The following SERPINA7 variants were observed in gnomAD, a reference collection of about 807,000 sequenced individuals.
SERPINA7 encodes the protein serpin family A member 7, also known as thyroxine-binding globulin.
Under a neutral mutation model 16.0 loss-of-function variants are expected in SERPINA7, and 14 were observed. The observed-to-expected ratio is 0.88, with a 90% CI of 0.58 to 1.37. SERPINA7 has a LOEUF of 1.37. Ranked by LOEUF, SERPINA7 falls within the 40% of genes most tolerant of loss-of-function variation. SERPINA7 has a pLI of 0.00. For missense variants in SERPINA7, 335 were observed against 296.6 expected, an observed-to-expected ratio of 1.13 and a Z score of -0.95; for synonymous variants, 140 against 111.0, an observed-to-expected ratio of 1.26 and a Z score of -1.65.
In SERPINA7 at chrX:106,033,545, C is replaced by A. The variant is rs1197067490; in HGVS notation, c.1203G>T (p.Arg401Ser). 1.7e-6 allele frequency: 2 copies of A among 1,210,979 alleles called. No individual in the cohort carries two copies. Among genetic ancestry groups the A allele is most frequent in the Admixed American group, 4.3e-5 (2 of 46,012 alleles). Residue 401 changes from arginine to serine, a missense_variant, in exon 5 of 5, where the codon AGG becomes AGT. Physicochemically the swap from Arg to Ser is moderately radical, Grantham distance 110. Coordinates refer to ENST00000372563, the MANE Select transcript of SERPINA7 (RefSeq NM_000354.6). ...CAACTTTCCCTAGAAAGAGAATACT[C>A]CTTGTGCTTCTCTCCAAAATCAACA... ...FMLLILERSTRSILFLGKVVN... is the reference protein window; with the variant it reads ...FMLLILERSTSSILFLGKVVN...
intron 1 of SERPINA7, among the ~76,000 whole-genome samples, chrX:106,037,662 T>C (rs1466608553): frequency 9.0e-6 from 1 of 111,229 alleles, no homozygotes; most frequent in Non-Finnish European, 1.9e-5. Flanking sequence ...TTCATGCATT[T>C]TGCAATGCAT....
chrX:106,037,618 T>A (rs1292968013), intron 1 of SERPINA7, among the ~76,000 whole-genome samples: 1 of 111,284 alleles, frequency 9.0e-6, no homozygotes, highest in East Asian at 2.8e-4. Context: ...TGGGTGGTGG[T>A]TTATGGAGCC....
chrX:106,038,465 T>C (rs919594950), intron 1 of SERPINA7, among the ~76,000 whole-genome samples: 1 of 111,259 alleles, frequency 9.0e-6, no homozygotes, highest in Non-Finnish European at 1.9e-5. Context: ...ATATCCTCCA[T>C]ACCAACCCCC....
rs1174860647 is a variant in SERPINA7 at position 106,036,851 on chromosome X, G to A, written c.208C>T (p.Pro70Ser). The A allele has an allele frequency of 8.3e-7, 1 of 1,209,051 alleles. No homozygotes were observed. The highest frequency in any genetic ancestry group is 1.1e-6 in the Non-Finnish European group (1 of 894,838). ...ACCAAAGCTGCAGAAATGCTCACAG[G>A]GGAAAAGAAGATGTTCTTATCTGGG... ...ETPDKNIFFS[P>S]VSISAALVML... The change falls in exon 2 of 5, where the codon CCT becomes TCT. Residue 70 changes from proline (P) to serine (S), a missense_variant. Coordinates refer to ENST00000372563, the MANE Select transcript of SERPINA7 (RefSeq NM_000354.6).
Position 106,035,255 on chromosome X carries a change from T to C in SERPINA7, c.753A>G (p.Glu251=), listed in dbSNP as rs773691709. 9.1e-6 allele frequency: 11 copies of C among 1,209,900 alleles called. No individual in the cohort carries two copies. ...CCATTTGCAGAACTGTGCAGTTCAA[T>C]TCCATATCCACTAGGTGATAGTATT... is the stretch of plus-strand genomic sequence containing the variant. ...MEQYYHLVDM[E]LNCTVLQMDY... The change falls in exon 3 of 5, where the codon GAA becomes GAG. Residue 251 remains glutamate (E), a synonymous_variant. Transcript: ENST00000372563.
intron 4 of SERPINA7, 55 bp downstream of exon 4, chrX:106,034,180 A>G (rs991627010): frequency 1.8e-6 from 2 of 1,137,105 alleles, no homozygotes; most frequent in African/African-American, 3.6e-5. Context: ...GAATCAATTG[A>G]CTCCTAATTG....
At position 106,033,267 on chromosome X, in the gene SERPINA7, CA is replaced by C; in HGVS notation, c.*232del. On this transcript the variant is annotated 3_prime_UTR_variant, in exon 5 of 5. Transcript: ENST00000372563. The stretch of plus-strand genomic sequence containing the variant: ...GGGTATTCTGACAAAGAGAAATATA[CA>C]AACATAGAGCCTTCCTATGCTTTGG... 2.4e-6 allele frequency: 1 copy of C among 414,578 alleles called. No individual in the cohort carries two copies. 34.2% of individuals were successfully genotyped at this position (414,578 alleles called of 1,213,427 possible).
rs1156257254 is a variant in SERPINA7, at chrX:106,034,290, G to A, written c.989C>T (p.Ser330Phe). Residue 330 changes from serine to phenylalanine, a missense_variant, in exon 4 of 5, where the codon TCT becomes TTT. Ser to Phe is a radical substitution (Grantham distance 155, BLOSUM62 -2). Coordinates refer to ENST00000372563, the MANE Select transcript of SERPINA7 (RefSeq NM_000354.6). The stretch of plus-strand genomic sequence containing the variant: ...GAGTCCAGAAAAATCAGCATTTTCA[G>A]AATAGGCATGCTGAATGCCCATCTT... ...LLKMGIQHAY[S>F]ENADFSGLTE... 2 of 1,206,415 alleles carry A rather than the reference G, an allele frequency of 1.7e-6. No homozygotes were observed. The highest frequency in any genetic ancestry group is 3.5e-5 in the African/African-American group (2 of 57,161).
Position 106,033,631 on chromosome X carries a change from A to G in SERPINA7, c.1117T>C (p.Ser373Pro), listed in dbSNP as rs1272689183. The change falls in exon 5 of 5, where the codon TCG becomes CCG. Residue 373 changes from serine to proline, a missense_variant. Coordinates refer to ENST00000372563, the MANE Select transcript of SERPINA7 (RefSeq NM_000354.6). ...EAAAVPEVEL[S>P]DQPENTFLHP... ...AGGAAAGTGTTTTCAGGCTGATCCG[A>G]AAGTTCAACTTCAGGGACAGCTGCA... is the stretch of plus-strand genomic sequence containing the variant. The G allele has an allele frequency of 5.8e-6, 7 of 1,209,697 alleles. No individual in the cohort carries two copies. The highest frequency in any genetic ancestry group is 7.8e-6 in the Non-Finnish European group (7 of 895,076).
chrX:106,035,575 G>A (rs2041443400), intron 2 of SERPINA7, among the ~76,000 whole-genome samples, 190 bp from the exon 3 acceptor site: 1 of 111,750 alleles, frequency 8.9e-6, no homozygotes, highest in Non-Finnish European at 1.9e-5. Flanking sequence ...GTTAACAGGT[G>A]GCAGAGCCAG....
intron 2 of SERPINA7, 132 bp from the exon 3 acceptor site, chrX:106,035,517 C>A: frequency 1.6e-6 from 1 of 620,070 alleles, no homozygotes; most frequent in Non-Finnish European, 2.6e-6. Flanking sequence ...ACCAGTTTTA[C>A]AAGTGACTGA....
In SERPINA7 at chrX:106,036,577, G is replaced by A. The variant is rs768895045; in HGVS notation, c.482C>T (p.Thr161Ile). The part of the protein sequence containing the change: ...KTLYETEVFS[T>I]DFSNISAAKQ... ...GGCTGCAGAAATGTTGGAGAAGTCG[G>A]TAGAAAAGACTTCAGTCTCATAGAG... The change falls in exon 2 of 5, where the codon ACC (threonine) becomes ATC (isoleucine). Residue 161 changes from threonine (T) to isoleucine (I), a missense_variant. Physicochemically the swap from Thr to Ile is moderately conservative, Grantham distance 89. Coordinates refer to ENST00000372563, the MANE Select transcript of SERPINA7 (RefSeq NM_000354.6). 9.1e-6 allele frequency: 11 copies of A among 1,209,375 alleles called. No homozygotes were observed. The South Asian group carries it at 1.9e-4, about 21-fold the overall frequency.
In SERPINA7 at chrX:106,033,356, C is replaced by T. The variant is rs2041421978; in HGVS notation, c.*144G>A. 5 of 718,850 alleles carry T rather than the reference C, an allele frequency of 7.0e-6. No individual in the cohort carries two copies. Among genetic ancestry groups the T allele is most frequent in the Middle Eastern group, 4.2e-4 (1 of 2,368 alleles). 59.2% of individuals were successfully genotyped at this position (718,850 alleles called of 1,213,427 possible). On this transcript the variant is annotated 3_prime_UTR_variant, in exon 5 of 5. Transcript: ENST00000372563. ...GCCATAGGATTGGCCTCTTCCACAGCCAACAAAGTTCAGCCAGGGTTCAAT... is the reference window on the plus strand; with the variant it reads ...GCCATAGGATTGGCCTCTTCCACAGTCAACAAAGTTCAGCCAGGGTTCAAT...
Position 106,033,353 on chromosome X carries a change from C to T in SERPINA7, c.*147G>A, listed in dbSNP as rs2041421932. The T allele has an allele frequency of 2.4e-5, 17 of 700,268 alleles. No individual in the cohort carries two copies. Among genetic ancestry groups the T allele is most frequent in the Non-Finnish European group, 3.9e-5 (17 of 440,809 alleles). The allele number at this position is 700,268 out of a possible 1,213,427, so 57.7% of individuals were successfully genotyped here. On this transcript the variant is annotated 3_prime_UTR_variant, in exon 5 of 5. Transcript: ENST00000372563. ...TCTGCCATAGGATTGGCCTCTTCCACAGCCAACAAAGTTCAGCCAGGGTTC... is the reference window on the plus strand; with the variant it reads ...TCTGCCATAGGATTGGCCTCTTCCATAGCCAACAAAGTTCAGCCAGGGTTC...
chrX:106,035,944 T>C (rs2041445863), intron 2 of SERPINA7, among the ~76,000 whole-genome samples: 1 of 112,453 alleles, frequency 8.9e-6, no homozygotes, highest in South Asian at 3.7e-4. Flanking sequence ...TTATTAACTG[T>C]GTAAACTTGG....
intron 1 of SERPINA7, among the ~76,000 whole-genome samples, chrX:106,037,587 T>C (rs1339713161): frequency 9.0e-6 from 1 of 111,095 alleles, no homozygotes; most frequent in Non-Finnish European, 1.9e-5. Context: ...ATTTGTACAA[T>C]ATATGATTAG....
At chrX:106,036,366 C>G in intron 2 of SERPINA7, 71 bp downstream of exon 2, 2 of 1,113,079 alleles carry the variant, frequency 1.8e-6, no homozygotes, top group Non-Finnish European at 2.5e-6. Context: ...AATAAGAGAC[C>G]ATGAGCTCCC....
rs1569336616 is a variant in SERPINA7, at chrX:106,033,629, C to A, written c.1119G>T (p.Ser373=). Reference sequence around the variant, plus strand: ...GTAGGAAAGTGTTTTCAGGCTGATCCGAAAGTTCAACTTCAGGGACAGCTG... The same window carrying A: ...GTAGGAAAGTGTTTTCAGGCTGATCAGAAAGTTCAACTTCAGGGACAGCTG... ...EAAAVPEVEL[S]DQPENTFLHP... Residue 373 remains serine (S), a synonymous_variant, in exon 5 of 5, where the codon TCG becomes TCT. Coordinates refer to ENST00000372563, the MANE Select transcript of SERPINA7 (RefSeq NM_000354.6). The A allele has an allele frequency of 8.3e-7, 1 of 1,211,177 alleles. No individual in the cohort carries two copies.
chrX:106,034,342 TG>T lies in SERPINA7; in HGVS notation c.936del (p.Thr313HisfsTer9). Reference protein sequence around the residue: ...DLFVPKFSISATYDLGATLLK... With the variant: ...DLFVPKFSISXTYDLGATLLK... ...AAAAGTGTGGCTCCAAGGTCATATGTGGCAGAAATGGAAAACTTTGGAACAA... is the reference window on the plus strand; with the variant it reads ...AAAAGTGTGGCTCCAAGGTCATATGTGCAGAAATGGAAAACTTTGGAACAA... On this transcript the variant is annotated frameshift_variant, in exon 4 of 5. Transcript: ENST00000372563. LOFTEE classifies it high-confidence loss of function. The T allele has an allele frequency of 1.7e-6, 2 of 1,207,835 alleles. No individual in the cohort carries two copies. The highest frequency in any genetic ancestry group is 2.2e-6 in the Non-Finnish European group (2 of 892,118).
Sources: gnomAD v4.1 joint callset for allele counts (sites outside exome capture counted in the v4.1 genomes callset) on GRCh38, gnomAD v4.1.1 for gene constraint, MANE v1.5 for transcripts, NCBI Gene and HGNC (gene_info 2026-07-23, HGNC 2026-07-21) for gene names.